SGF29: variants seen among roughly 807,000 people sequenced by gnomAD.
The protein encoded by SGF29 is SAGA-associated factor 29.
SGF29 carries 15 observed loss-of-function variants against 38.1 expected under a neutral mutation model. The observed-to-expected ratio is 0.39, with a 90% CI of 0.26 to 0.61. The LOEUF (loss-of-function observed/expected upper bound fraction) is 0.61. Among genes scored for constraint, SGF29 ranks in the 20% least tolerant of loss-of-function variants. The pLI is 0.49. For missense variants in SGF29, 184 were observed against 394.6 expected (o/e 0.47, Z 4.52); for synonymous variants, 151 against 160.8 (o/e 0.94, Z 0.46).
At chr16:28,556,756 G>T (rs1371601733) in intron 1 of SGF29, among the ~76,000 whole-genome samples, 1 of 152,036 alleles carries the variant, frequency 6.6e-6, no homozygotes, top group African/African-American at 2.4e-5. Flanking sequence ...TGATCCTCCT[G>T]CCATAGCCTC....
chr16:28,590,276 A>AC lies in SGF29; in HGVS notation c.420-17dup. ...GGCTGGTGCCCAGGGGCTGGGACTG[A>AC]CCCTTTGTTCCACTCACAGGCCCCC... On this transcript the variant is annotated intron_variant, in intron 6 of 9. Coordinates refer to ENST00000317058, the MANE Select transcript of SGF29 (RefSeq NM_138414.3). The surrounding 1 kb of genome is among the most constrained non-coding windows in gnomAD (Gnocchi z 8.2). 4 of 1,608,320 alleles carry AC rather than the reference A, an allele frequency of 2.5e-6. No individual in the cohort carries two copies. The highest frequency in any genetic ancestry group is 1.7e-5 in the Admixed American group (1 of 58,884).
At chr16:28,563,692 G>A (rs2046803311) in intron 1 of SGF29, among the ~76,000 whole-genome samples, 1 of 145,698 alleles carries the variant, frequency 6.9e-6, no homozygotes, top group African/African-American at 2.5e-5. Flanking sequence ...TTGTGTGTGT[G>A]TGTGTTTTTC....
chr16:28,572,436 CT>C (rs567778484), intron 1 of SGF29, among the ~76,000 whole-genome samples: 38 of 152,060 alleles, frequency 2.5e-4, no homozygotes, highest in Non-Finnish European at 5.0e-4. Context: ...GCCTGGCTAA[CT>C]TTTGTATTTT....
At chr16:28,569,774 G>A (rs1392091841) in intron 1 of SGF29, among the ~76,000 whole-genome samples, 1 of 152,224 alleles carries the variant, frequency 6.6e-6, no homozygotes, top group Non-Finnish European at 1.5e-5. Context: ...ATGGAAGGAT[G>A]ACCCCGAAGG....
chr16:28,566,353 G>A (rs964196570), intron 1 of SGF29, among the ~76,000 whole-genome samples: 10 of 152,094 alleles, frequency 6.6e-5, no homozygotes. Context: ...GAGACTGGGA[G>A]TTTCAGTTTG....
At chr16:28,587,765 GA>G (rs1432569413) in intron 4 of SGF29, among the ~76,000 whole-genome samples, 3 of 152,164 alleles carry the variant, frequency 2.0e-5, no homozygotes, top group South Asian at 4.1e-4. Flanking sequence ...AAAATAAAAT[GA>G]CCCAAAGTGG....
chr16:28,591,555 C>G, intron 9 of SGF29, 35 bp from the exon 10 acceptor site: 1 of 1,496,646 alleles, frequency 6.7e-7, no homozygotes, highest in Non-Finnish European at 9.3e-7. Context: ...GCCTGGGGGT[C>G]TCTGAGCAGC....
At chr16:28,559,021 T>C (rs1230946860) in intron 1 of SGF29, among the ~76,000 whole-genome samples, 3 of 152,212 alleles carry the variant, frequency 2.0e-5, no homozygotes, top group Non-Finnish European at 4.4e-5. Context: ...TTGCACACTT[T>C]AAAAAAGTGA....
intron 4 of SGF29, chr16:28,588,514 A>G: frequency 2.7e-6 from 1 of 370,462 alleles, no homozygotes; most frequent in Non-Finnish European, 5.2e-6. Flanking sequence ...GCTTTCTACC[A>G]CCTTGTTTTT....
intron 1 of SGF29, among the ~76,000 whole-genome samples, chr16:28,554,323 C>A (rs532934073): frequency 4.6e-5 from 7 of 152,216 alleles, no homozygotes; most frequent in African/African-American, 7.2e-5. Context: ...CGCTCGAGGT[C>A]TGCGCTTGCG....
At chr16:28,554,625 T>G (rs900273467) in intron 1 of SGF29, among the ~76,000 whole-genome samples, 2 of 152,152 alleles carry the variant, frequency 1.3e-5, no homozygotes, top group Non-Finnish European at 2.9e-5. Context: ...ATGCCCGTCT[T>G]AAGAACAACA....
intron 1 of SGF29, among the ~76,000 whole-genome samples, chr16:28,579,539 A>T (rs1007818688): frequency 1.3e-5 from 2 of 150,964 alleles, no homozygotes; most frequent in African/African-American, 4.8e-5. Context: ...TACAGGCATG[A>T]GCCACCACGC....
At chr16:28,569,501 A>C (rs1485442419) in intron 1 of SGF29, among the ~76,000 whole-genome samples, 2 of 152,022 alleles carry the variant, frequency 1.3e-5, no homozygotes, top group Non-Finnish European at 2.9e-5. Flanking sequence ...CTCTACAAAA[A>C]ATTAGCCGGG....
chr16:28,562,903 CAAAAAAA>C (rs753973229), intron 1 of SGF29, among the ~76,000 whole-genome samples: 9 of 50,890 alleles, frequency 1.8e-4, no homozygotes, highest in African/African-American at 4.5e-4. Flanking sequence ...GACCCTGTCT[CAAAAAAA>C]AAAAAAAAAA....
At chr16:28,559,702 G>A (rs531919957) in intron 1 of SGF29, among the ~76,000 whole-genome samples, 1 of 152,236 alleles carries the variant, frequency 6.6e-6, no homozygotes, top group African/African-American at 2.4e-5. Context: ...TAAAAAGTCT[G>A]CCTAAACCTC....
chr16:28,556,894 C>T (rs79912905), intron 1 of SGF29, among the ~76,000 whole-genome samples: 6,449 of 152,010 alleles, frequency 0.042, 257 homozygotes, highest in East Asian at 0.21. Flanking sequence ...GTGATCCTCC[C>T]ATTTCGGCCT....
intron 1 of SGF29, among the ~76,000 whole-genome samples, chr16:28,574,189 A>G (rs1392734931): frequency 6.6e-6 from 1 of 152,234 alleles, no homozygotes; most frequent in African/African-American, 2.4e-5. Context: ...GAAAGAAAGG[A>G]GAAGTACACT....
At chr16:28,559,575 A>G (rs1046005928) in intron 1 of SGF29, among the ~76,000 whole-genome samples, 3 of 151,842 alleles carry the variant, frequency 2.0e-5, no homozygotes, top group African/African-American at 7.2e-5. Flanking sequence ...TAGTAGAGAC[A>G]GTGTTGGCCA....
At chr16:28,564,581 GTATA>G (rs1167566181) in intron 1 of SGF29, among the ~76,000 whole-genome samples, 8 of 116,396 alleles carry the variant, frequency 6.9e-5, no homozygotes. Context: ...ATATATACAC[GTATA>G]TATATACACA....
Sources: gnomAD v4.1 joint callset for allele counts (sites outside exome capture counted in the v4.1 genomes callset) on GRCh38, gnomAD v4.1.1 for gene constraint, Gnocchi (gnomAD v3.1) non-coding constraint, MANE v1.5 for transcripts, NCBI Gene and HGNC (gene_info 2026-07-23, HGNC 2026-07-21) for gene names.